The following CELF2 variants were observed in gnomAD, a reference collection of about 807,000 sequenced individuals.
The protein encoded by CELF2 is CUG triplet repeat RNA-binding protein 2.
In CELF2, 8 loss-of-function variants were observed where a neutral mutation model predicts 62.6. The observed-to-expected ratio is 0.13, with a 90% confidence interval of 0.07 to 0.23. The LOEUF (loss-of-function observed/expected upper bound fraction) is 0.23. Among genes scored for constraint, CELF2 ranks in the 10% least tolerant of loss-of-function variants. The probability of loss-of-function intolerance (pLI) is 1.00; values close to 1 mark genes in which losing one functional copy is unlikely to be tolerated. For synonymous variants in CELF2, 258 were observed against 250.0 expected, an observed-to-expected ratio of 1.03 and a Z score of -0.30; for missense variants, 333 against 671.0, an observed-to-expected ratio of 0.50 and a Z score of 5.56.
intron 1 of CELF2, among the ~76,000 whole-genome samples, chr10:11,086,599 A>AAAAC (rs2046845267): frequency 7.1e-6 from 1 of 140,308 alleles, no homozygotes; most frequent in East Asian, 2.0e-4. Context: ...AAAAAAAAAA[A>AAAAC]AAAAAAAAAA....
the CELF2 span, among the ~76,000 whole-genome samples, chr10:10,657,424 G>T: frequency 6.6e-6 from 1 of 151,834 alleles, no homozygotes; most frequent in Non-Finnish European, 1.5e-5. Context: ...AAAAGTAATG[G>T]CAAAAACCAT....
At chr10:10,493,364 G>C in the CELF2 span, among the ~76,000 whole-genome samples, 1 of 151,862 alleles carries the variant, frequency 6.6e-6, no homozygotes, top group Non-Finnish European at 1.5e-5. Flanking sequence ...TGGTGGAGAC[G>C]GTTCCACAAA....
chr10:10,653,450 T>A, the CELF2 span, among the ~76,000 whole-genome samples: 1 of 147,146 alleles, frequency 6.8e-6, no homozygotes, highest in Non-Finnish European at 1.5e-5. Flanking sequence ...ATTCCAAAAT[T>A]GACCACATAC....
intron 1 of CELF2, among the ~76,000 whole-genome samples, chr10:10,902,638 C>A (rs961362811): frequency 6.6e-6 from 1 of 152,070 alleles, no homozygotes; most frequent in Non-Finnish European, 1.5e-5. Flanking sequence ...CAGAAGGAAA[C>A]CTTTGGAGTT....
At position 11,140,129 on chromosome 10, in the gene CELF2, G is replaced by A. The variant is rs374731857; in HGVS notation, c.75-25357G>A. ...ATCAGTTAGTCAGAAGTACCTAACCGTAACTAAATTTGCCTTAAAAGAAAT... is the reference window on the plus strand; with the variant it reads ...ATCAGTTAGTCAGAAGTACCTAACCATAACTAAATTTGCCTTAAAAGAAAT... On this transcript the variant is annotated intron_variant, in intron 1 of 12. Transcript: ENST00000633077. Among the ~76,000 whole-genome samples the A allele has an allele frequency of 7.5e-4, 114 of 151,082 alleles. No individual in the cohort carries two copies. In the Middle Eastern group the frequency reaches 0.01, roughly 14 times the overall value.
the CELF2 span, among the ~76,000 whole-genome samples, chr10:10,704,289 T>G: frequency 6.7e-6 from 1 of 148,960 alleles, no homozygotes; most frequent in Admixed American, 6.7e-5. Flanking sequence ...GCATATTGTG[T>G]GATTTACCTT....
At chr10:10,591,289 G>T in the CELF2 span, among the ~76,000 whole-genome samples, 4,991 of 152,148 alleles carry the variant, frequency 0.033, 191 homozygotes, top group Admixed American at 0.083. Flanking sequence ...TTAATAATGG[G>T]ATGGTTAAAG....
chr10:10,992,881 C>A (rs2053579140), intron 2 of CELF2, among the ~76,000 whole-genome samples: 1 of 152,012 alleles, frequency 6.6e-6, no homozygotes, highest in African/African-American at 2.4e-5. Flanking sequence ...GTCTGTAGAC[C>A]AAATAGTTAA....
At chr10:10,821,372 G>T (rs2056947798) in intron 1 of CELF2, among the ~76,000 whole-genome samples, 1 of 152,220 alleles carries the variant, frequency 6.6e-6, no homozygotes, top group Non-Finnish European at 1.5e-5. Flanking sequence ...CGAGCCATTG[G>T]TTCTTGGCAT....
At chr10:10,895,709 T>A (rs1018988821) in intron 1 of CELF2, among the ~76,000 whole-genome samples, 2 of 152,134 alleles carry the variant, frequency 1.3e-5, no homozygotes, top group African/African-American at 4.8e-5. Flanking sequence ...TCCTGTCTGA[T>A]GAAAAACCAA....
At chr10:10,862,414 C>G (rs2060097342) in intron 1 of CELF2, among the ~76,000 whole-genome samples, 1 of 152,152 alleles carries the variant, frequency 6.6e-6, no homozygotes, top group Admixed American at 6.5e-5. Context: ...TGGTTGTCAT[C>G]TGGAACTCAT....
chr10:10,808,915 A>G (rs889880592), intron 1 of CELF2, among the ~76,000 whole-genome samples: 2 of 152,224 alleles, frequency 1.3e-5, no homozygotes, highest in Admixed American at 1.3e-4. Flanking sequence ...CGCTATTGAT[A>G]TTGAAGCTCA....
intron 2 of CELF2, among the ~76,000 whole-genome samples, chr10:10,933,247 G>A (rs992394540): frequency 1.3e-5 from 2 of 152,122 alleles, no homozygotes; most frequent in African/African-American, 2.4e-5. Context: ...AAGCTGCAGT[G>A]AGCCATGATG....
chr10:10,696,275 G>A, the CELF2 span, among the ~76,000 whole-genome samples: 1 of 151,958 alleles, frequency 6.6e-6, no homozygotes, highest in Non-Finnish European at 1.5e-5. Flanking sequence ...TGAGGTGTCA[G>A]TGTGCCCCTG....
the CELF2 span, among the ~76,000 whole-genome samples, chr10:10,709,110 C>A: frequency 5.9e-5 from 9 of 152,280 alleles, no homozygotes; most frequent in South Asian, 1.9e-3. Flanking sequence ...TACAGGACAT[C>A]CAGTCAACAC....
chr10:10,700,055 A>G, the CELF2 span, among the ~76,000 whole-genome samples: 1 of 152,226 alleles, frequency 6.6e-6, no homozygotes, highest in Non-Finnish European at 1.5e-5. Flanking sequence ...TGGAATTCCC[A>G]GACAAAAGGG....
chr10:10,530,905 G>T, the CELF2 span, among the ~76,000 whole-genome samples: 1 of 152,072 alleles, frequency 6.6e-6, no homozygotes, highest in African/African-American at 2.4e-5. Flanking sequence ...TTACATAGGC[G>T]TAAACCAGAG....
intron 2 of CELF2, among the ~76,000 whole-genome samples, chr10:11,190,028 T>C (rs141964352): frequency 1.2e-3 from 181 of 152,382 alleles, no homozygotes; most frequent in African/African-American, 4.3e-3. Flanking sequence ...TCCTGCACAT[T>C]TTTAACACAT....
intron 2 of CELF2, among the ~76,000 whole-genome samples, chr10:10,985,581 T>C (rs1244506710): frequency 6.6e-6 from 1 of 152,232 alleles, no homozygotes; most frequent in East Asian, 1.9e-4. Flanking sequence ...TTCCTTTTGT[T>C]GAAGATTTTG....
Sources: allele counts gnomAD v4.1 joint callset (sites outside exome capture counted in the v4.1 genomes callset), GRCh38; gene constraint gnomAD v4.1.1; transcripts MANE v1.5; gene names NCBI Gene and HGNC (gene_info 2026-07-23, HGNC 2026-07-21).